Variants in AKAP13 observed in about 807,000 individuals in gnomAD.
AKAP13 encodes A-kinase anchoring protein 13, also known as A-kinase anchor protein 13.
AKAP13 carries 80 observed loss-of-function variants against 264.5 expected under a neutral mutation model. The observed-to-expected ratio is 0.30, with a 90% CI of 0.25 to 0.36. The LOEUF (loss-of-function observed/expected upper bound fraction) is 0.36. Among genes scored for constraint, AKAP13 ranks in the 10% least tolerant of loss-of-function variants. The probability of loss-of-function intolerance (pLI) is 1.00; values close to 1 mark genes in which losing one functional copy is unlikely to be tolerated. For synonymous variants in AKAP13, 1,380 were observed against 1,250.2 expected (o/e 1.10, Z -2.19); for missense variants, 3,712 against 3,435.2 (o/e 1.08, Z -2.01).
chr15:85,420,032 C>T (rs1473479556), intron 1 of AKAP13, among the ~76,000 whole-genome samples: 3 of 149,030 alleles, frequency 2.0e-5, no homozygotes, highest in African/African-American at 4.9e-5. Context: ...AGCTCCGCCT[C>T]CCGGGTTCAC....
chr15:85,446,317 G>A (rs1270607051), intron 1 of AKAP13, among the ~76,000 whole-genome samples: 1 of 152,164 alleles, frequency 6.6e-6, no homozygotes, highest in Non-Finnish European at 1.5e-5. Context: ...GGGTGGATAA[G>A]GAGACAGTGT....
intron 2 of AKAP13, among the ~76,000 whole-genome samples, chr15:85,516,425 C>T (rs940033318): frequency 6.6e-6 from 1 of 152,166 alleles, no homozygotes; most frequent in Non-Finnish European, 1.5e-5. Flanking sequence ...TTCTTAATCA[C>T]GGTGATACAC....
chr15:85,672,506 G>C (rs2083985986), intron 14 of AKAP13, among the ~76,000 whole-genome samples: 1 of 152,304 alleles, frequency 6.6e-6, no homozygotes. Flanking sequence ...CCAGGCTCAA[G>C]TGTTCAATTC....
intron 2 of AKAP13, among the ~76,000 whole-genome samples, chr15:85,490,893 A>T (rs572315958): frequency 2.0e-5 from 3 of 152,276 alleles, no homozygotes; most frequent in Admixed American, 2.0e-4. Context: ...ATTGTGCCTG[A>T]CCAGGGGCTG....
At chr15:85,414,327 T>A (rs138334191) in intron 1 of AKAP13, among the ~76,000 whole-genome samples, 1 of 152,214 alleles carries the variant, frequency 6.6e-6, no homozygotes, top group Non-Finnish European at 1.5e-5. Context: ...TGAAGGGTTT[T>A]TGAAAATGAG....
chr15:85,632,291 G>A (rs1596807862), intron 8 of AKAP13, among the ~76,000 whole-genome samples: 1 of 152,274 alleles, frequency 6.6e-6, no homozygotes, highest in South Asian at 2.1e-4. Flanking sequence ...AAGGGGTCCA[G>A]GTTGATGCTG....
chr15:85,735,279 A>G (rs2088365643), intron 31 of AKAP13, 129 bp downstream of exon 31: 2 of 1,264,160 alleles, frequency 1.6e-6, no homozygotes, highest in African/African-American at 1.5e-5. Flanking sequence ...ATTTCAAGAC[A>G]CTCAAGAGCT....
rs1287137255 is a variant in AKAP13 at position 85,438,499 on chromosome 15, T to C, written c.-11-47211T>C. Among the ~76,000 whole-genome samples the C allele has an allele frequency of 8.3e-4, 124 of 148,956 alleles. 1 individual carries two copies. The highest frequency in any genetic ancestry group is 5.4e-4 in the Admixed American group (8 of 14,944). Reference sequence around the variant, plus strand: ...GTTCATATGGAACCAAAAAAGAGCCTGCATCGCCAAGTCAATCCTAAGCCA... The same window carrying C: ...GTTCATATGGAACCAAAAAAGAGCCCGCATCGCCAAGTCAATCCTAAGCCA... On this transcript the variant is annotated intron_variant, in intron 1 of 36. Coordinates refer to ENST00000394518, the MANE Select transcript of AKAP13 (RefSeq NM_007200.5).
At chr15:85,604,902 A>C (rs1016204341) in intron 8 of AKAP13, among the ~76,000 whole-genome samples, 1 of 152,168 alleles carries the variant, frequency 6.6e-6, no homozygotes, top group Non-Finnish European at 1.5e-5. Context: ...ACCATATGCT[A>C]AGCTCTTGAA....
At chr15:85,685,837 C>G (rs1339713177) in intron 16 of AKAP13, among the ~76,000 whole-genome samples, 1 of 152,094 alleles carries the variant, frequency 6.6e-6, no homozygotes, top group African/African-American at 2.4e-5. Flanking sequence ...TGGAAATCTT[C>G]AAAATCTAAA....
At chr15:85,413,900 A>G (rs2072104235) in intron 1 of AKAP13, among the ~76,000 whole-genome samples, 1 of 152,126 alleles carries the variant, frequency 6.6e-6, no homozygotes, top group African/African-American at 2.4e-5. Flanking sequence ...GAACAGCTTT[A>G]TTTACATTAT....
At position 85,708,147 on chromosome 15, in the gene AKAP13, G is replaced by A. The variant is rs550941576; in HGVS notation, c.5532+61G>A. ...AAGGGTTTAAACCAGCAAAATCCTC[G>A]GGAGTTGGGAGAGTTGAGGTTGTGG... is the stretch of plus-strand genomic sequence containing the variant. On this transcript the variant is annotated intron_variant, in intron 18 of 36. Transcript: ENST00000394518. This position sits in a 1 kb window ranked among gnomAD's most constrained non-coding sequence, Gnocchi z 4.3. The A allele has an allele frequency of 3.8e-5, 57 of 1,501,868 alleles. No homozygotes were observed. In the African/African-American group the frequency reaches 6.0e-4, roughly 16 times the overall value. 93.0% of individuals were successfully genotyped at this position (1,501,868 alleles called of 1,614,324 possible).
chr15:85,518,936 T>C (rs1025149868), intron 2 of AKAP13, among the ~76,000 whole-genome samples: 6 of 152,218 alleles, frequency 3.9e-5, no homozygotes, highest in African/African-American at 1.4e-4. Context: ...TGCCTATAAT[T>C]AGCCACCTCC....
At chr15:85,630,805 A>G (rs2081748458) in intron 8 of AKAP13, among the ~76,000 whole-genome samples, 1 of 152,246 alleles carries the variant, frequency 6.6e-6, no homozygotes, top group Admixed American at 6.5e-5. Flanking sequence ...AGGTGTTGAC[A>G]AGAATGTAGA....
chr15:85,735,946 A>G (rs1212416850), intron 32 of AKAP13, 144 bp from the exon 33 acceptor site: 21 of 754,482 alleles, frequency 2.8e-5, no homozygotes, highest in South Asian at 2.2e-4. Context: ...TCAGTGATAA[A>G]TAGTTCAACC....
chr15:85,399,218 C>T (rs993363345), intron 1 of AKAP13, among the ~76,000 whole-genome samples: 5 of 152,056 alleles, frequency 3.3e-5, no homozygotes, highest in Admixed American at 1.3e-4. Context: ...AGATGCAGGC[C>T]GGGCGCGGTG....
At chr15:85,382,545 T>A (rs1415512700) in intron 1 of AKAP13, among the ~76,000 whole-genome samples, 1 of 152,166 alleles carries the variant, frequency 6.6e-6, no homozygotes, top group Non-Finnish European at 1.5e-5. Context: ...GGGAGGGACA[T>A]AATGTAAGCA....
rs1006578496 is a variant in AKAP13 at position 85,734,787 on chromosome 15, G to A, written c.7283-205G>A. Among the ~76,000 whole-genome samples, 8 of 152,300 alleles carry A rather than the reference G, an allele frequency of 5.3e-5. 1 individual carries two copies. The highest frequency in any genetic ancestry group is 2.0e-4 in the Admixed American group (3 of 15,306). On this transcript the variant is annotated intron_variant, in intron 30 of 36. Coordinates refer to ENST00000394518, the MANE Select transcript of AKAP13 (RefSeq NM_007200.5). Reference sequence around the variant, plus strand: ...ATTTCCTAGGCCTCTTGCATATAAAGTGGAAGGTCTCATCTCTAAATTTCT... The same window carrying A: ...ATTTCCTAGGCCTCTTGCATATAAAATGGAAGGTCTCATCTCTAAATTTCT...
chr15:85,617,455 C>T (rs777598535), intron 8 of AKAP13, among the ~76,000 whole-genome samples: 1 of 152,060 alleles, frequency 6.6e-6, no homozygotes, highest in Non-Finnish European at 1.5e-5. Context: ...ATGTTGGCCA[C>T]GATCTGGATC....
Sources: gnomAD v4.1 joint callset for allele counts (sites outside exome capture counted in the v4.1 genomes callset) on GRCh38, gnomAD v4.1.1 for gene constraint, Gnocchi (gnomAD v3.1) non-coding constraint, MANE v1.5 for transcripts, NCBI Gene and HGNC (gene_info 2026-07-23, HGNC 2026-07-21) for gene names.